Variants in EIF2B3 observed in about 807,000 individuals in gnomAD.
EIF2B3 encodes translation initiation factor eIF2B subunit gamma.
In EIF2B3, 20 loss-of-function variants were observed where a neutral mutation model predicts 54.1. That is an observed-to-expected ratio of 0.37 (90% CI 0.26 to 0.54). The LOEUF (loss-of-function observed/expected upper bound fraction) is 0.54. Ranked by LOEUF, EIF2B3 falls within the 20% of genes least tolerant of loss-of-function variation. The pLI is 0.86. For missense variants in EIF2B3, 448 were observed against 547.8 expected (o/e 0.82, Z 1.82); for synonymous variants, 153 against 188.1 (o/e 0.81, Z 1.52).
intron 10 of EIF2B3, among the ~76,000 whole-genome samples, chr1:44,859,910 C>G (rs1258815385): frequency 6.6e-6 from 1 of 150,578 alleles, no homozygotes; most frequent in Non-Finnish European, 1.5e-5. Flanking sequence ...GTGCCTGCCA[C>G]CACACCTGGC....
At chr1:44,984,169 G>T (rs1644544652) in intron 1 of EIF2B3, among the ~76,000 whole-genome samples, 1 of 151,840 alleles carries the variant, frequency 6.6e-6, no homozygotes, top group African/African-American at 2.4e-5. Flanking sequence ...GACAGAGTGA[G>T]ACTCCGTCTC....
chr1:44,859,529 G>A (rs952090136), intron 10 of EIF2B3, among the ~76,000 whole-genome samples: 1 of 151,350 alleles, frequency 6.6e-6, no homozygotes, highest in Admixed American at 6.6e-5. Context: ...ATGGCGGTGC[G>A]CACCTGTGAT....
At chr1:44,966,597 A>G (rs1453734490) in intron 3 of EIF2B3, among the ~76,000 whole-genome samples, 3 of 152,168 alleles carry the variant, frequency 2.0e-5, no homozygotes, top group Non-Finnish European at 4.4e-5. Context: ...AGATCTTAAA[A>G]GAGGGGGCTC....
rs150171193 is a variant in EIF2B3 at position 44,958,552 on chromosome 1, C to T, written c.295-16887G>A. On this transcript the variant is annotated intron_variant, in intron 3 of 11. Coordinates refer to ENST00000360403, the MANE Select transcript of EIF2B3 (RefSeq NM_020365.5). ...TTTAGCTTCTGGAGACCTCACTATC[C>T]TATTATGTCTTTGTGTGAAGACATG... is the stretch of plus-strand genomic sequence containing the variant. 8 of 1,396,810 alleles carry T rather than the reference C, an allele frequency of 5.7e-6. No homozygotes were observed. In the East Asian group the frequency reaches 1.4e-4, roughly 24 times the overall value. The allele number at this position is 1,396,810 out of a possible 1,614,324, so 86.5% of individuals were successfully genotyped here. A position where few individuals can be genotyped will look rare whatever the true frequency, so the allele number is the denominator to read the frequency against.
At chr1:44,979,561 G>T (rs904333676) in intron 2 of EIF2B3, among the ~76,000 whole-genome samples, 2 of 150,222 alleles carry the variant, frequency 1.3e-5, no homozygotes, top group Non-Finnish European at 2.9e-5. Flanking sequence ...AGGAGGCTAA[G>T]ATGGGAGGAT....
rs796412369 is a variant in EIF2B3 at position 44,939,123 on chromosome 1, A to G, written c.454+2383T>C. 4.8e-3 allele frequency among the ~76,000 whole-genome samples: 722 copies of G among 150,706 alleles called. 10 individuals carry two copies. The highest frequency in any genetic ancestry group is 0.017 in the African/African-American group (690 of 41,004). ...TCTCAAAAAAAAAAAAAAAAAAAAA[A>G]AAAGAAACAAAAGGAAAGAAAAATC... On this transcript the variant is annotated intron_variant, in intron 4 of 11. Coordinates refer to ENST00000360403, the MANE Select transcript of EIF2B3 (RefSeq NM_020365.5).
chr1:44,889,759 C>A (rs1404857166), intron 6 of EIF2B3, among the ~76,000 whole-genome samples: 1 of 151,986 alleles, frequency 6.6e-6, no homozygotes, highest in Non-Finnish European at 1.5e-5. Context: ...AAATTCCTGA[C>A]CTCCAGTGAT....
intron 2 of EIF2B3, among the ~76,000 whole-genome samples, chr1:44,978,711 A>G (rs1644481252): frequency 7.5e-6 from 1 of 133,462 alleles, no homozygotes; most frequent in Non-Finnish European, 1.5e-5. Flanking sequence ...GTCGCAGTTC[A>G]CAGCAGCCTC....
At chr1:44,964,186 A>G (rs1439658400) in intron 3 of EIF2B3, among the ~76,000 whole-genome samples, 1 of 151,942 alleles carries the variant, frequency 6.6e-6, no homozygotes, top group Non-Finnish European at 1.5e-5. Flanking sequence ...TTCTGCCAGT[A>G]ATGTTGGGCT....
chr1:44,881,851 GGGA>G lies in EIF2B3; in HGVS notation c.657-115_657-113del. ...AAATCCTTTCCTGTCATGGCACCTT[GGGA>G]CTGTCAGAGATCAAATGTGGCATTG... On this transcript the variant is annotated intron_variant, in intron 6 of 11. Coordinates refer to ENST00000360403, the MANE Select transcript of EIF2B3 (RefSeq NM_020365.5). The surrounding 1 kb of genome is among the most constrained non-coding windows in gnomAD (Gnocchi z 4.0). The G allele has an allele frequency of 7.1e-7, 1 of 1,417,242 alleles. No individual in the cohort carries two copies. The highest frequency in any genetic ancestry group is 9.8e-7 in the Non-Finnish European group (1 of 1,024,878). 87.8% of individuals were successfully genotyped at this position (1,417,242 alleles called of 1,614,324 possible). A position where few individuals can be genotyped will look rare whatever the true frequency, so the allele number is the denominator to read the frequency against.
At chr1:44,953,500 G>C (rs1644191018) in intron 3 of EIF2B3, among the ~76,000 whole-genome samples, 1 of 152,106 alleles carries the variant, frequency 6.6e-6, no homozygotes, top group Non-Finnish European at 1.5e-5. Flanking sequence ...GTTCTTGCCG[G>C]GTGCAGTGGC....
rs372360020 is a variant in EIF2B3, at chr1:44,906,985, G to T, written c.567-9541C>A. On this transcript the variant is annotated intron_variant, in intron 5 of 11. Coordinates refer to ENST00000360403, the MANE Select transcript of EIF2B3 (RefSeq NM_020365.5). ...TTATCCTGCTGCTCAAACCTGAAAT[G>T]TGAGTCTTTTTTGACACCACTACAC... is the stretch of plus-strand genomic sequence containing the variant. Among the ~76,000 whole-genome samples the T allele has an allele frequency of 1.2e-4, 18 of 152,256 alleles. No homozygotes were observed. The East Asian group carries it at 2.9e-3, about 24-fold the overall frequency.
At chr1:44,954,650 C>T (rs977985990) in intron 3 of EIF2B3, among the ~76,000 whole-genome samples, 2 of 152,152 alleles carry the variant, frequency 1.3e-5, no homozygotes, top group Non-Finnish European at 2.9e-5. Flanking sequence ...TTTCTAAATA[C>T]ACACCCATGT....
intron 5 of EIF2B3, among the ~76,000 whole-genome samples, chr1:44,911,920 T>C (rs190871578): frequency 0.015 from 2,127 of 145,170 alleles, 49 homozygotes; most frequent in African/African-American, 0.052. Flanking sequence ...TGTGTTCTCA[T>C]TGTTCAATTC....
At chr1:44,918,696 C>T (rs2148927431) in intron 5 of EIF2B3, among the ~76,000 whole-genome samples, 1 of 152,310 alleles carries the variant, frequency 6.6e-6, no homozygotes, top group Non-Finnish European at 1.5e-5. Flanking sequence ...TAACCAATAG[C>T]ATTCTTATAT....
intron 4 of EIF2B3, among the ~76,000 whole-genome samples, chr1:44,938,315 C>A (rs894435022): frequency 6.6e-6 from 1 of 152,032 alleles, no homozygotes; most frequent in South Asian, 2.1e-4. Context: ...TCAAATGTAA[C>A]AAAATATAGG....
intron 8 of EIF2B3, among the ~76,000 whole-genome samples, chr1:44,876,756 CGGGAAAGGT>C (rs1244770307): frequency 2.8e-5 from 4 of 142,838 alleles, no homozygotes; most frequent in Non-Finnish European, 1.5e-5. Flanking sequence ...AATAGAAAGG[CGGGAAAGGT>C]GGGGAAAAGA....
At chr1:44,865,360 CCTT>C (rs1267517035) in intron 10 of EIF2B3, among the ~76,000 whole-genome samples, 3 of 151,940 alleles carry the variant, frequency 2.0e-5, no homozygotes, top group South Asian at 4.2e-4. Flanking sequence ...TGTTCCCATT[CCTT>C]CTTCTCTTTA....
intron 5 of EIF2B3, among the ~76,000 whole-genome samples, chr1:44,900,591 C>T (rs1245477216): frequency 2.0e-5 from 3 of 151,922 alleles, no homozygotes; most frequent in South Asian, 2.1e-4. Context: ...CAAATCTCAC[C>T]ATCACACAAT....
Sources: gnomAD v4.1 joint callset for allele counts (sites outside exome capture counted in the v4.1 genomes callset) on GRCh38, gnomAD v4.1.1 for gene constraint, Gnocchi (gnomAD v3.1) non-coding constraint, MANE v1.5 for transcripts, NCBI Gene and HGNC (gene_info 2026-07-23, HGNC 2026-07-21) for gene names.